The following RNLS variants were observed in gnomAD, a reference collection of about 807,000 sequenced individuals.
The protein encoded by RNLS is renalase.
RNLS carries 39 observed loss-of-function variants against 39.8 expected under a neutral mutation model. That is an observed-to-expected ratio of 0.98 (90% confidence interval 0.76 to 1.28). The LOEUF is 1.28. RNLS is among the 50% of genes most tolerant of loss of function. RNLS has a pLI of 0.00. For synonymous variants in RNLS, 147 were observed against 150.7 expected (o/e 0.98, Z 0.18); for missense variants, 410 against 413.3 (o/e 0.99, Z 0.07).
At chr10:88,255,500 G>C in the RNLS span, among the ~76,000 whole-genome samples, 1 of 152,208 alleles carries the variant, frequency 6.6e-6, no homozygotes, top group African/African-American at 2.4e-5. Context: ...AGTAGGGGTA[G>C]AGGGGTGATA....
At chr10:88,188,001 G>T in the RNLS span, among the ~76,000 whole-genome samples, 2 of 152,110 alleles carry the variant, frequency 1.3e-5, no homozygotes, top group Admixed American at 1.3e-4. Context: ...CTGAAATGTT[G>T]GTGTGCATTT....
chr10:88,231,073 C>T, the RNLS span, among the ~76,000 whole-genome samples: 1 of 152,280 alleles, frequency 6.6e-6, no homozygotes, highest in East Asian at 1.9e-4. Flanking sequence ...CAATTTCTCC[C>T]TCCTTTTTAA....
In RNLS at chr10:88,478,863, ATTTCTTTCTTTCTCTTTC is replaced by A. The variant is rs541478309; in HGVS notation, c.526+94022_526+94039del. 2.6e-3 allele frequency among the ~76,000 whole-genome samples: 377 copies of A among 146,170 alleles called. 2 individuals carry two copies. The highest frequency in any genetic ancestry group is 6.9e-3 in the African/African-American group (271 of 39,394). ...TTTTTTCTTTTTCCTTCTTTCTTTC[ATTTCTTTCTTTCTCTTTC>A]TTTCTTTCTTTCTCTTTCTTTCTTT... On this transcript the variant is annotated intron_variant, in intron 4 of 6. Coordinates refer to ENST00000331772, the MANE Select transcript of RNLS (RefSeq NM_001031709.3).
chr10:88,445,885 G>T (rs935449195), intron 4 of RNLS, among the ~76,000 whole-genome samples: 1 of 152,176 alleles, frequency 6.6e-6, no homozygotes, highest in Admixed American at 6.5e-5. Context: ...ATACCCCACT[G>T]TCAACATTAG....
intron 6 of RNLS, among the ~76,000 whole-genome samples, chr10:88,305,737 T>C (rs548059918): frequency 3.2e-4 from 49 of 152,300 alleles, no homozygotes; most frequent in African/African-American, 1.1e-3. Context: ...GTGGGGATCT[T>C]TAACACCCCA....
At chr10:88,185,882 A>C in the RNLS span, among the ~76,000 whole-genome samples, 1 of 152,168 alleles carries the variant, frequency 6.6e-6, no homozygotes, top group Non-Finnish European at 1.5e-5. Context: ...ACATTGGCCA[A>C]AGCACCTCCT....
In RNLS at chr10:88,350,477, C is replaced by T. The variant is rs186957518; in HGVS notation, c.700+12075G>A. 1.2e-3 allele frequency among the ~76,000 whole-genome samples: 180 copies of T among 152,100 alleles called. 2 individuals are homozygous for T. Among genetic ancestry groups the T allele is most frequent in the African/African-American group, 4.0e-3 (164 of 41,484 alleles). On this transcript the variant is annotated intron_variant, in intron 5 of 6. Coordinates refer to ENST00000331772, the MANE Select transcript of RNLS (RefSeq NM_001031709.3). ...ATTCCCACCTATGAGTGAGAACATG[C>T]GGTGTTTGGTTTTTTGTCCTTGCGA...
chr10:88,459,682 G>A (rs935894551), intron 4 of RNLS, among the ~76,000 whole-genome samples: 13 of 152,258 alleles, frequency 8.5e-5, no homozygotes, highest in Admixed American at 8.5e-4. Flanking sequence ...CTGCTTGGAA[G>A]AGGACAAACA....
intron 4 of RNLS, among the ~76,000 whole-genome samples, chr10:88,468,107 G>A (rs1406307632): frequency 6.6e-6 from 1 of 152,168 alleles, no homozygotes; most frequent in African/African-American, 2.4e-5. Context: ...GGATGAGACT[G>A]ATGGAAAGAG....
chr10:88,557,980 C>A (rs986295539), intron 4 of RNLS, among the ~76,000 whole-genome samples: 2 of 152,062 alleles, frequency 1.3e-5, no homozygotes, highest in African/African-American at 4.8e-5. Flanking sequence ...GCTCCAAGTT[C>A]TAAAAGAAGC....
At chr10:88,415,893 CTT>C (rs1853992418) in intron 4 of RNLS, among the ~76,000 whole-genome samples, 1 of 152,160 alleles carries the variant, frequency 6.6e-6, no homozygotes, top group Non-Finnish European at 1.5e-5. Flanking sequence ...TTCTAGCAGT[CTT>C]GTTTTCTCCT....
chr10:88,319,976 GC>G (rs1257763633), intron 5 of RNLS, among the ~76,000 whole-genome samples: 2 of 151,696 alleles, frequency 1.3e-5, no homozygotes, highest in African/African-American at 4.8e-5. Flanking sequence ...AGTCACCAAG[GC>G]CTATAATTAT....
the RNLS span, among the ~76,000 whole-genome samples, chr10:88,188,763 C>G: frequency 6.6e-6 from 1 of 152,168 alleles, no homozygotes; most frequent in Non-Finnish European, 1.5e-5. Flanking sequence ...GCTACAGTTA[C>G]CAGCTGAACA....
Position 88,362,033 on chromosome 10 carries a change from G to A in RNLS, c.700+519C>T, listed in dbSNP as rs117723046. Among the ~76,000 whole-genome samples the A allele has an allele frequency of 8.1e-3, 1,232 of 151,992 alleles. 20 individuals are homozygous for A. The highest frequency in any genetic ancestry group is 0.028 in the South Asian group (137 of 4,810). ...GAAGCTCTCATAAAACATTTTACCC[G>A]TTACATTGTTTATAAAGTAAATTTA... On this transcript the variant is annotated intron_variant, in intron 5 of 6. Coordinates refer to ENST00000331772, the MANE Select transcript of RNLS (RefSeq NM_001031709.3).
chr10:88,579,689 G>C (rs1327609888), intron 3 of RNLS, among the ~76,000 whole-genome samples: 1 of 152,100 alleles, frequency 6.6e-6, no homozygotes, highest in Non-Finnish European at 1.5e-5. Flanking sequence ...AAGTGATATG[G>C]CCACACTATA....
chr10:88,497,552 AAAC>A lies in RNLS; in HGVS notation c.526+75348_526+75350del, dbSNP rs1367501746. On this transcript the variant is annotated intron_variant, in intron 4 of 6. Coordinates refer to ENST00000331772, the MANE Select transcript of RNLS (RefSeq NM_001031709.3). ...GTTGGAAAATAAATGCCATGATTTA[AAAC>A]AACAACAACAAAAATGGGAAAGTCT... 5.3e-5 allele frequency among the ~76,000 whole-genome samples: 8 copies of A among 152,046 alleles called. No homozygotes were observed. In the East Asian group the frequency reaches 1.5e-3, roughly 29 times the overall value.
intron 4 of RNLS, among the ~76,000 whole-genome samples, chr10:88,480,445 G>C (rs913399132): frequency 6.6e-6 from 1 of 152,098 alleles, no homozygotes. Context: ...TTTTGAGACG[G>C]AGTCTCACTC....
chr10:88,288,053 T>C (rs1391063858), intron 6 of RNLS, among the ~76,000 whole-genome samples: 3 of 152,134 alleles, frequency 2.0e-5, no homozygotes, highest in East Asian at 3.9e-4. Flanking sequence ...AGGGCATCAG[T>C]TATTAGTTGT....
intron 4 of RNLS, among the ~76,000 whole-genome samples, chr10:88,553,694 T>C (rs1392756989): frequency 1.3e-5 from 2 of 152,176 alleles, no homozygotes; most frequent in Non-Finnish European, 2.9e-5. Flanking sequence ...ATGAATTTCG[T>C]AACATTCCGT....
Sources: gnomAD v4.1 joint callset for allele counts (sites outside exome capture counted in the v4.1 genomes callset) on GRCh38, gnomAD v4.1.1 for gene constraint, MANE v1.5 for transcripts, NCBI Gene and HGNC (gene_info 2026-07-23, HGNC 2026-07-21) for gene names.